Variants in DHX32 observed in about 807,000 individuals in gnomAD.
DHX32 encodes the protein putative pre-mRNA-splicing factor ATP-dependent RNA helicase DHX32.
In DHX32, 51 loss-of-function variants were observed where a neutral mutation model predicts 70.0. The observed-to-expected ratio is 0.73, with a 90% CI of 0.58 to 0.92. The LOEUF is 0.92. Ranked by LOEUF, DHX32 falls within the 40% of genes least tolerant of loss-of-function variation. DHX32 has a pLI of 0.00. For missense variants in DHX32, 762 were observed against 891.8 expected, an observed-to-expected ratio of 0.85 and a Z score of 1.85; for synonymous variants, 310 against 315.3, an observed-to-expected ratio of 0.98 and a Z score of 0.18.
intron 1 of DHX32, among the ~76,000 whole-genome samples, chr10:125,892,113 T>A (rs555899052): frequency 7.2e-5 from 11 of 152,074 alleles, no homozygotes; most frequent in African/African-American, 2.7e-4. Context: ...CTCAAAAAAT[T>A]TTTTTCTTCT....
At chr10:125,849,303 C>T (rs1024238045) in intron 6 of DHX32, among the ~76,000 whole-genome samples, 11 of 152,210 alleles carry the variant, frequency 7.2e-5, no homozygotes, top group Admixed American at 6.5e-4. Context: ...ATATAGTTCC[C>T]AGGCCCACAA....
At chr10:125,860,336 A>G (rs958891195) in intron 2 of DHX32, among the ~76,000 whole-genome samples, 4 of 152,174 alleles carry the variant, frequency 2.6e-5, no homozygotes, top group African/African-American at 9.7e-5. Flanking sequence ...ACCCTGGTCA[A>G]TTTTTCCTCT....
intron 1 of DHX32, among the ~76,000 whole-genome samples, chr10:125,893,573 GC>G (rs1292624130): frequency 5.3e-5 from 8 of 152,300 alleles, no homozygotes; most frequent in African/African-American, 1.9e-4. Context: ...CGAGTAAAGG[GC>G]GGAGAGATAG....
upstream of DHX32, among the ~76,000 whole-genome samples, chr10:125,883,272 G>A (rs568161347): frequency 2.0e-5 from 3 of 152,258 alleles, no homozygotes; most frequent in African/African-American, 7.2e-5. Flanking sequence ...AATTAAAGAT[G>A]GCCACAGATT....
upstream of DHX32, among the ~76,000 whole-genome samples, chr10:125,886,255 C>T (rs1200135163): frequency 6.6e-6 from 1 of 152,234 alleles, no homozygotes; most frequent in Non-Finnish European, 1.5e-5. Context: ...GTAAATGCTT[C>T]CCTGGCCACC....
chr10:125,882,861 G>T (rs368233801), upstream of DHX32, among the ~76,000 whole-genome samples: 48 of 152,246 alleles, frequency 3.2e-4, no homozygotes, highest in South Asian at 9.5e-3. Context: ...ACTCTTCAGA[G>T]AAGTTAAAAT....
upstream of DHX32, among the ~76,000 whole-genome samples, chr10:125,883,966 C>T (rs1944331055): frequency 6.6e-6 from 1 of 152,162 alleles, no homozygotes; most frequent in Non-Finnish European, 1.5e-5. Context: ...GCTCTCCTAA[C>T]CGGTGCATTA....
chr10:125,855,698 C>T (rs1328475624), intron 3 of DHX32, among the ~76,000 whole-genome samples: 2 of 152,162 alleles, frequency 1.3e-5, no homozygotes, highest in African/African-American at 4.8e-5. Flanking sequence ...GATCTGCCTG[C>T]CTTGGCCTCC....
chr10:125,861,047 C>A (rs535336709), intron 2 of DHX32, among the ~76,000 whole-genome samples: 1 of 152,038 alleles, frequency 6.6e-6, no homozygotes, highest in African/African-American at 2.4e-5. Context: ...CCACCGCGCC[C>A]GGCCCCAATC....
intron 4 of DHX32, chr10:125,852,987 A>G (rs1944110992): frequency 3.0e-6 from 2 of 666,158 alleles, no homozygotes; most frequent in East Asian, 2.6e-5. Flanking sequence ...CTCACCTGAT[A>G]GTGCCATGTT....
In DHX32 at chr10:125,851,943, A is replaced by G. The variant is rs768685021; in HGVS notation, c.1351+350T>C. 1.3e-3 allele frequency among the ~76,000 whole-genome samples: 184 copies of G among 145,758 alleles called. 1 individual carries two copies. The highest frequency in any genetic ancestry group is 2.4e-3 in the Non-Finnish European group (158 of 65,630). On this transcript the variant is annotated intron_variant, in intron 6 of 10. Coordinates refer to ENST00000284690, the MANE Select transcript of DHX32 (RefSeq NM_018180.3). ...CTCAAAAAAAAAAAAAAAAAAAAAG[A>G]AAAGAAAAAAGGACAATTCAAGCTG...
At chr10:125,838,062 C>A in intron 10 of DHX32, 144 bp downstream of exon 10, 1 of 695,530 alleles carries the variant, frequency 1.4e-6, no homozygotes, top group Non-Finnish European at 2.3e-6. Flanking sequence ...CCACAGAGGC[C>A]TGCCCTTAGT....
At position 125,854,209 on chromosome 10, in the gene DHX32, GA is replaced by G. The variant is rs749074303; in HGVS notation, c.850-7del. 9.9e-6 allele frequency: 15 copies of G among 1,510,436 alleles called. No homozygotes were observed. The highest frequency in any genetic ancestry group is 1.9e-4 in the Middle Eastern group (1 of 5,380). 93.6% of individuals were successfully genotyped at this position (1,510,436 alleles called of 1,614,324 possible). ...TCACAGACTTTCTCAATATCCTAAA[GA>G]AAAAAAAACCCATGAAAATAAAATA... On this transcript the variant is annotated splice_region_variant and splice_polypyrimidine_tract_variant and intron_variant, in intron 3 of 10. Transcript: ENST00000284690.
upstream of DHX32, chr10:125,896,460 G>A (rs552252971): frequency 1.0e-3 from 1,145 of 1,126,108 alleles, no homozygotes; most frequent in Non-Finnish European, 1.2e-3. Context: ...AGTGTCCCCG[G>A]CGACGCGCGG....
At chr10:125,845,553 C>T (rs2134033987) in intron 6 of DHX32, among the ~76,000 whole-genome samples, 1 of 152,348 alleles carries the variant, frequency 6.6e-6, no homozygotes, top group Admixed American at 6.5e-5. Context: ...CTCCTGGTAA[C>T]CAGTCCCCAA....
At chr10:125,837,328 CA>C (rs1482395394) in intron 10 of DHX32, among the ~76,000 whole-genome samples, 14 of 152,254 alleles carry the variant, frequency 9.2e-5, no homozygotes, top group African/African-American at 3.1e-4. Flanking sequence ...GTGGAACCTT[CA>C]AAATGGATCC....
chr10:125,855,923 G>T (rs1054994305), intron 3 of DHX32, among the ~76,000 whole-genome samples: 1 of 152,180 alleles, frequency 6.6e-6, no homozygotes, highest in South Asian at 2.1e-4. Flanking sequence ...TGTCTTGTAA[G>T]TTGGTTCTAA....
At chr10:125,883,223 C>A (rs1474401848), upstream of DHX32, among the ~76,000 whole-genome samples, 1 of 152,172 alleles carries the variant, frequency 6.6e-6, no homozygotes, top group Non-Finnish European at 1.5e-5. Context: ...TGCAATGTAT[C>A]CACACACATT....
intron 10 of DHX32, among the ~76,000 whole-genome samples, chr10:125,837,546 A>C (rs1854733063): frequency 6.6e-6 from 1 of 152,080 alleles, no homozygotes; most frequent in South Asian, 2.1e-4. Context: ...TCTGTCGCAG[A>C]ATCTCAAGTA....
Sources: allele counts gnomAD v4.1 joint callset (sites outside exome capture counted in the v4.1 genomes callset), GRCh38; gene constraint gnomAD v4.1.1; transcripts MANE v1.5; gene names NCBI Gene and HGNC (gene_info 2026-07-23, HGNC 2026-07-21).